DACH2: variants seen among roughly 807,000 people sequenced by gnomAD.
DACH2 encodes dachshund homolog 2.
In DACH2, 17 loss-of-function variants were observed where a neutral mutation model predicts 35.8. That is an observed-to-expected ratio of 0.48 (90% CI 0.33 to 0.71). The LOEUF (loss-of-function observed/expected upper bound fraction) is 0.71, where lower values mean the gene tolerates loss of function less well. Among genes scored for constraint, DACH2 ranks in the 30% least tolerant of loss-of-function variants. The pLI, the probability that DACH2 is intolerant of heterozygous loss-of-function variation, is 0.02. For missense variants in DACH2, 469 were observed against 472.7 expected, an observed-to-expected ratio of 0.99 and a Z score of 0.07; for synonymous variants, 195 against 177.3, an observed-to-expected ratio of 1.10 and a Z score of -0.79.
chrX:86,418,120 G>A (rs1289507372), intron 2 of DACH2, among the ~76,000 whole-genome samples: 1 of 112,236 alleles, frequency 8.9e-6, no homozygotes, highest in Non-Finnish European at 1.9e-5. Flanking sequence ...CCATGGTCTT[G>A]GACAGCTCCA....
chrX:86,562,069 G>C (rs1252116218), intron 3 of DACH2, among the ~76,000 whole-genome samples: 1 of 108,960 alleles, frequency 9.2e-6, no homozygotes, highest in Non-Finnish European at 1.9e-5. Context: ...CAAAGGTAAA[G>C]CTTCCCACCA....
chrX:86,185,227 A>G (rs1027041468), intron 1 of DACH2, among the ~76,000 whole-genome samples: 2 of 111,934 alleles, frequency 1.8e-5, no homozygotes, highest in Non-Finnish European at 3.8e-5. Flanking sequence ...GTTATCATGC[A>G]TATTTGGCAA....
intron 7 of DACH2, among the ~76,000 whole-genome samples, chrX:86,767,677 A>G (rs952465107): frequency 1.8e-5 from 2 of 112,031 alleles, no homozygotes; most frequent in African/African-American, 3.2e-5. Context: ...ACCCTTCATT[A>G]TACTGGATGA....
intron 6 of DACH2, among the ~76,000 whole-genome samples, chrX:86,737,971 G>T (rs1323744808): frequency 9.0e-6 from 1 of 110,716 alleles, no homozygotes; most frequent in Non-Finnish European, 1.9e-5. Context: ...ACATCTCTTT[G>T]CTCATGGCTC....
intron 6 of DACH2, among the ~76,000 whole-genome samples, chrX:86,722,292 T>C: frequency 8.9e-6 from 1 of 111,845 alleles, no homozygotes; most frequent in Non-Finnish European, 1.9e-5. Context: ...TGTGTTGAGA[T>C]GATTATATGA....
intron 1 of DACH2, among the ~76,000 whole-genome samples, chrX:86,334,467 G>A (rs934772232): frequency 2.7e-5 from 3 of 111,689 alleles, no homozygotes; most frequent in African/African-American, 6.5e-5. Flanking sequence ...GATGTGAGAT[G>A]GTATCTCATT....
intron 3 of DACH2, among the ~76,000 whole-genome samples, chrX:86,580,967 A>G (rs1390002249): frequency 3.6e-5 from 4 of 111,553 alleles, no homozygotes; most frequent in African/African-American, 1.3e-4. Flanking sequence ...TGAAATTTTA[A>G]AAAATTAAAT....
At chrX:86,799,218 C>T (rs1156610095) in intron 7 of DACH2, 2 of 236,876 alleles carry the variant, frequency 8.4e-6, no homozygotes, top group East Asian at 2.6e-4. Flanking sequence ...TCATCATTGC[C>T]ACTGGCATCT....
chrX:86,289,270 C>T (rs1392667727), intron 1 of DACH2, among the ~76,000 whole-genome samples: 1 of 105,961 alleles, frequency 9.4e-6, no homozygotes, highest in Non-Finnish European at 1.9e-5. Flanking sequence ...AGACAAAGTC[C>T]TCCTCACTCT....
intron 3 of DACH2, among the ~76,000 whole-genome samples, chrX:86,600,949 G>C (rs960235395): frequency 1.8e-5 from 2 of 111,516 alleles, no homozygotes; most frequent in East Asian, 5.7e-4. Flanking sequence ...TTATGCCATA[G>C]CTCCTGTGGT....
intron 1 of DACH2, among the ~76,000 whole-genome samples, chrX:86,222,429 A>T (rs2032733038): frequency 8.9e-6 from 1 of 112,126 alleles, no homozygotes; most frequent in Non-Finnish European, 1.9e-5. Context: ...CACATGAGCA[A>T]ATAACCTAAG....
intron 4 of DACH2, among the ~76,000 whole-genome samples, chrX:86,679,687 T>G (rs2040859655): frequency 9.5e-6 from 1 of 105,066 alleles, no homozygotes; most frequent in Non-Finnish European, 1.9e-5. Context: ...CCATGCCAGG[T>G]TGTCAGCCTT....
intron 1 of DACH2, among the ~76,000 whole-genome samples, chrX:86,175,786 T>A (rs2031283437): frequency 9.0e-6 from 1 of 111,213 alleles, no homozygotes; most frequent in African/African-American, 3.3e-5. Context: ...GATACAGTAT[T>A]GGGTCGCTGT....
chrX:86,365,092 G>C (rs1296358756), intron 1 of DACH2, among the ~76,000 whole-genome samples: 1 of 111,581 alleles, frequency 9.0e-6, no homozygotes, highest in African/African-American at 3.2e-5. Flanking sequence ...ATAGGTACTT[G>C]TTTAATTCTA....
chrX:86,327,475 A>C (rs897736246), intron 1 of DACH2, among the ~76,000 whole-genome samples: 3 of 111,838 alleles, frequency 2.7e-5, no homozygotes, highest in African/African-American at 9.7e-5. Context: ...ATTCCAGGTA[A>C]ATCAATGTTT....
At chrX:86,294,749 G>T (rs1236728279) in intron 1 of DACH2, among the ~76,000 whole-genome samples, 2 of 110,008 alleles carry the variant, frequency 1.8e-5, no homozygotes, top group South Asian at 3.9e-4. Flanking sequence ...CAGGGGTCAG[G>T]GACCCACTTG....
At chrX:86,578,066 A>T (rs2039457097) in intron 3 of DACH2, among the ~76,000 whole-genome samples, 1 of 111,862 alleles carries the variant, frequency 8.9e-6, no homozygotes, top group Non-Finnish European at 1.9e-5. Context: ...GTGAACCCAA[A>T]CTTGAAACCT....
At chrX:86,332,638 C>T (rs1476273031) in intron 1 of DACH2, among the ~76,000 whole-genome samples, 6 of 111,013 alleles carry the variant, frequency 5.4e-5, no homozygotes, top group African/African-American at 6.5e-5. Flanking sequence ...AGCACAGGGA[C>T]CTGAAAAAAA....
chrX:86,603,349 C>T (rs1198370197), intron 3 of DACH2, among the ~76,000 whole-genome samples: 2 of 110,808 alleles, frequency 1.8e-5, no homozygotes, highest in African/African-American at 6.6e-5. Context: ...TTGAATTTTG[C>T]GGAGGACACA....
Sources: gnomAD v4.1 joint callset for allele counts (sites outside exome capture counted in the v4.1 genomes callset) on GRCh38, gnomAD v4.1.1 for gene constraint, MANE v1.5 for transcripts, NCBI Gene and HGNC (gene_info 2026-07-23, HGNC 2026-07-21) for gene names.